Variants in UGGT2 observed in about 807,000 individuals in gnomAD.
The protein encoded by UGGT2 is UDP-glucose glycoprotein glucosyltransferase 2.
Under a neutral mutation model 192.1 loss-of-function variants are expected in UGGT2, and 180 were observed. That is an observed-to-expected ratio of 0.94 (90% confidence interval 0.83 to 1.06). The LOEUF (loss-of-function observed/expected upper bound fraction) is 1.06. UGGT2 is among the 50% of genes least tolerant of loss of function. The pLI, the probability that UGGT2 is intolerant of heterozygous loss-of-function variation, is 0.00. For missense variants in UGGT2, 1,849 were observed against 1,795.7 expected (o/e 1.03, Z -0.54); for synonymous variants, 580 against 591.0 (o/e 0.98, Z 0.27).
chr13:95,807,715 CCTT>C (rs1270824618), intron 38 of UGGT2, among the ~76,000 whole-genome samples: 1 of 48,040 alleles, frequency 2.1e-5, no homozygotes, highest in African/African-American at 1.2e-4. Flanking sequence ...TCAGCCCTCA[CCTT>C]TTTTTTTTTT....
chr13:95,980,554 A>T (rs973110954), intron 10 of UGGT2, among the ~76,000 whole-genome samples: 1 of 152,176 alleles, frequency 6.6e-6, no homozygotes, highest in African/African-American at 2.4e-5. Context: ...ACCACTAAAT[A>T]ACTTATTGAT....
rs2139119156 is a variant in UGGT2 at position 96,023,157 on chromosome 13, G to A, written c.373-5C>T. 2 of 1,561,424 alleles carry A rather than the reference G, an allele frequency of 1.3e-6. No homozygotes were observed. The highest frequency in any genetic ancestry group is 4.6e-5 in the East Asian group (2 of 43,372). On this transcript the variant is annotated splice_region_variant and splice_polypyrimidine_tract_variant and intron_variant, in intron 3 of 38. Coordinates refer to ENST00000376747, the MANE Select transcript of UGGT2 (RefSeq NM_020121.4). Reference sequence around the variant, plus strand: ...TGGTGGCTCATCAGCTGCAATCTAAGATTTCAAAGATTATATTTAGCTACA... The same window carrying A: ...TGGTGGCTCATCAGCTGCAATCTAAAATTTCAAAGATTATATTTAGCTACA...
intron 36 of UGGT2, among the ~76,000 whole-genome samples, chr13:95,850,005 T>C (rs1378007493): frequency 6.6e-6 from 1 of 151,792 alleles, no homozygotes; most frequent in East Asian, 1.9e-4. Flanking sequence ...TCCTTCCCAA[T>C]TTGTATACCT....
At chr13:95,942,226 GT>G (rs1475330394) in intron 15 of UGGT2, among the ~76,000 whole-genome samples, 5 of 17,910 alleles carry the variant, frequency 2.8e-4, no homozygotes, top group Non-Finnish European at 6.8e-4. Context: ...GTGAGGGTGT[GT>G]GTGTGTGTGT....
At chr13:95,960,601 A>G (rs1377149312) in intron 12 of UGGT2, among the ~76,000 whole-genome samples, 3 of 151,818 alleles carry the variant, frequency 2.0e-5, no homozygotes. Flanking sequence ...CAGAAGATTA[A>G]AAAAAAAGTA....
At chr13:95,995,803 A>G (rs1046080836) in intron 7 of UGGT2, 5 of 424,332 alleles carry the variant, frequency 1.2e-5, no homozygotes, top group Admixed American at 4.4e-5. Flanking sequence ...CTGGAAAAAC[A>G]TACTGTACAC....
At chr13:96,003,761 T>C (rs2051881802) in intron 5 of UGGT2, among the ~76,000 whole-genome samples, 1 of 152,106 alleles carries the variant, frequency 6.6e-6, no homozygotes, top group African/African-American at 2.4e-5. Flanking sequence ...TCTAATCTAG[T>C]ACTGAATGAC....
At chr13:95,918,426 T>C (rs544178466) in intron 20 of UGGT2, among the ~76,000 whole-genome samples, 4 of 152,110 alleles carry the variant, frequency 2.6e-5, no homozygotes, top group Admixed American at 1.3e-4. Flanking sequence ...ATCAAAACGC[T>C]AGAAAGATCT....
At chr13:95,947,596 G>A (rs377059400) in intron 14 of UGGT2, among the ~76,000 whole-genome samples, 4 of 151,904 alleles carry the variant, frequency 2.6e-5, no homozygotes, top group African/African-American at 9.7e-5. Context: ...GACTATAGGT[G>A]CGCACCACCA....
chr13:96,033,893 C>T (rs2052916295), intron 1 of UGGT2, among the ~76,000 whole-genome samples: 1 of 152,124 alleles, frequency 6.6e-6, no homozygotes, highest in South Asian at 2.1e-4. Flanking sequence ...TGGTAGATGG[C>T]AGGTTAATGG....
intron 4 of UGGT2, among the ~76,000 whole-genome samples, chr13:96,018,120 A>G (rs2052395205): frequency 1.3e-5 from 2 of 152,220 alleles, no homozygotes; most frequent in East Asian, 1.9e-4. Context: ...GCTAGTAAAA[A>G]AAGAATAGTA....
Position 95,927,042 on chromosome 13 carries a change from T to C in UGGT2, c.2186A>G (p.Tyr729Cys), listed in dbSNP as rs1223588975. ...KSAVIAKNMY[Y>C]LTQDDESIIS... ...ATGCTTATTACCGTCTTGGGTTAAA[T>C]AATACATGTTCTTTGCAATTACAGC... is the stretch of plus-strand genomic sequence containing the variant. The change falls in exon 19 of 39, where the codon TAT becomes TGT. Residue 729 changes from tyrosine (Y) to cysteine (C), a missense_variant. Coordinates refer to ENST00000376747, the MANE Select transcript of UGGT2 (RefSeq NM_020121.4). The C allele has an allele frequency of 3.7e-6, 6 of 1,605,104 alleles. No homozygotes were observed. The highest frequency in any genetic ancestry group is 1.1e-5 in the South Asian group (1 of 89,002).
At chr13:96,051,924 T>A (rs2053497953) in intron 1 of UGGT2, among the ~76,000 whole-genome samples, 1 of 151,202 alleles carries the variant, frequency 6.6e-6, no homozygotes, top group Non-Finnish European at 1.5e-5. Flanking sequence ...GTGTGGGGAG[T>A]CCTCAAAGTA....
At chr13:95,987,333 C>A (rs2051320063) in intron 8 of UGGT2, among the ~76,000 whole-genome samples, 2 of 152,104 alleles carry the variant, frequency 1.3e-5, no homozygotes, top group South Asian at 2.1e-4. Flanking sequence ...TCAGTAATGT[C>A]TACCTAGATT....
In UGGT2 at chr13:95,998,426, G is replaced by A. The variant is rs189372657; in HGVS notation, c.757+785C>T. ...AAAAATATTTAAATTACAGTAATAC[G>A]ATCTTTATCTGAAGCACATTCAGTA... On this transcript the variant is annotated intron_variant, in intron 6 of 38. Transcript: ENST00000376747. Among the ~76,000 whole-genome samples the A allele has an allele frequency of 4.2e-3, 640 of 152,126 alleles. 24 individuals are homozygous for A. The highest frequency in any genetic ancestry group is 0.038 in the Admixed American group (586 of 15,286).
At chr13:95,837,332 C>T (rs1209156745) in intron 36 of UGGT2, 130 bp from the exon 37 acceptor site, 1 of 670,254 alleles carries the variant, frequency 1.5e-6, no homozygotes, top group Non-Finnish European at 2.6e-6. Context: ...GATTTCTCTA[C>T]ACTTTAAAGC....
rs1377241536 is a variant in UGGT2, at chr13:96,029,983, A to C, written c.241+1906T>G. On this transcript the variant is annotated intron_variant, in intron 2 of 38. Transcript: ENST00000376747. ...ATTAACCATGAAAACCTTACATATT[A>C]ATCTAGCCTACTTTTACCTCAATCA... Among the ~76,000 whole-genome samples, 5 of 152,294 alleles carry C rather than the reference A, an allele frequency of 3.3e-5. No homozygotes were observed. The East Asian group carries it at 5.8e-4, about 18-fold the overall frequency.
At chr13:95,841,971 C>G (rs1887913796) in intron 36 of UGGT2, among the ~76,000 whole-genome samples, 1 of 152,128 alleles carries the variant, frequency 6.6e-6, no homozygotes, top group African/African-American at 2.4e-5. Context: ...TCTTGGAATG[C>G]TTGACAAAAA....
chr13:95,836,441 T>C (rs1424938277), intron 37 of UGGT2, among the ~76,000 whole-genome samples: 1 of 152,204 alleles, frequency 6.6e-6, no homozygotes, highest in East Asian at 1.9e-4. Flanking sequence ...GCTTGTAAGT[T>C]TGGCTCCTCG....
Sources: allele counts gnomAD v4.1 joint callset (sites outside exome capture counted in the v4.1 genomes callset), GRCh38; gene constraint gnomAD v4.1.1; transcripts MANE v1.5; gene names NCBI Gene and HGNC (gene_info 2026-07-23, HGNC 2026-07-21).